KIAA1217: variants seen among roughly 807,000 people sequenced by gnomAD.
KIAA1217 encodes the protein KIAA1217, also known as sickle tail protein homolog.
KIAA1217 carries 88 observed loss-of-function variants against 163.9 expected under a neutral mutation model. The ratio of observed to expected loss-of-function variants is 0.54; its 90% confidence interval spans 0.45 to 0.64. KIAA1217 has a LOEUF of 0.64. Among genes scored for constraint, KIAA1217 ranks in the 30% least tolerant of loss-of-function variants. KIAA1217 has a pLI of 0.00. For synonymous variants in KIAA1217, 903 were observed against 923.1 expected, an observed-to-expected ratio of 0.98 and a Z score of 0.39; for missense variants, 2,372 against 2,475.0, an observed-to-expected ratio of 0.96 and a Z score of 0.88.
intron 2 of KIAA1217, among the ~76,000 whole-genome samples, chr10:24,089,175 T>A (rs2061830773): frequency 1.6e-5 from 2 of 125,062 alleles, no homozygotes; most frequent in African/African-American, 5.0e-5. Flanking sequence ...GTTTGTGTTC[T>A]TTGTAGATTC....
At chr10:24,331,792 G>A (rs185835188) in intron 2 of KIAA1217, among the ~76,000 whole-genome samples, 25 of 152,224 alleles carry the variant, frequency 1.6e-4, no homozygotes, top group African/African-American at 5.1e-4. Flanking sequence ...GGTAGAGGAG[G>A]GAGTTGGTTT....
rs148073971 is a variant in KIAA1217 at position 24,090,610 on chromosome 10, T to C, written c.-171+83236T>C. Among the ~76,000 whole-genome samples, 58 of 151,716 alleles carry C rather than the reference T, an allele frequency of 3.8e-4. 1 individual carries two copies. The East Asian group carries it at 0.011, about 28-fold the overall frequency. The stretch of plus-strand genomic sequence containing the variant: ...AAAGAGCATTTTTGAGGAGGGACTG[T>C]GAGCATTTCGAAGAGGAGAAGTGAT... On this transcript the variant is annotated intron_variant, in intron 2 of 18. Transcript: ENST00000376462.
intron 1 of KIAA1217, among the ~76,000 whole-genome samples, chr10:23,963,634 A>C (rs187829632): frequency 6.6e-6 from 1 of 152,274 alleles, no homozygotes; most frequent in African/African-American, 2.4e-5. Flanking sequence ...TATACCCAGT[A>C]ATGGGATTGC....
intron 1 of KIAA1217, among the ~76,000 whole-genome samples, chr10:23,926,112 C>T (rs1843008560): frequency 6.6e-6 from 1 of 151,022 alleles, no homozygotes; most frequent in South Asian, 2.1e-4. Flanking sequence ...GTGCATTGGT[C>T]CTCAGGAAAA....
At chr10:24,022,428 C>T (rs1847773631) in intron 2 of KIAA1217, among the ~76,000 whole-genome samples, 1 of 151,628 alleles carries the variant, frequency 6.6e-6, no homozygotes, top group Non-Finnish European at 1.5e-5. Context: ...TATTAGAATA[C>T]CTAAAATAAA....
intron 2 of KIAA1217, among the ~76,000 whole-genome samples, chr10:24,028,246 T>C (rs1459579170): frequency 6.6e-6 from 1 of 152,054 alleles, no homozygotes; most frequent in Non-Finnish European, 1.5e-5. Flanking sequence ...GATTGATCAA[T>C]TGATTATCCA....
rs138368030 is a variant in KIAA1217 at position 24,412,770 on chromosome 10, G to A, written c.554-20225G>A. ...GTGTGAATGGATCCTGCCGCATGGTGCCAAATATCAGCTATAGGATGATGA... is the reference window on the plus strand; with the variant it reads ...GTGTGAATGGATCCTGCCGCATGGTACCAAATATCAGCTATAGGATGATGA... On this transcript the variant is annotated intron_variant, in intron 3 of 20. Coordinates refer to ENST00000376454, the MANE Select transcript of KIAA1217 (RefSeq NM_019590.5). Among the ~76,000 whole-genome samples, 754 of 152,288 alleles carry A rather than the reference G, an allele frequency of 5.0e-3. 4 individuals carry two copies. Among genetic ancestry groups the A allele is most frequent in the African/African-American group, 0.017 (705 of 41,558 alleles).
At chr10:24,061,777 G>A (rs2060731936) in intron 2 of KIAA1217, among the ~76,000 whole-genome samples, 1 of 152,134 alleles carries the variant, frequency 6.6e-6, no homozygotes, top group Admixed American at 6.5e-5. Context: ...TCCCTTGTAT[G>A]TGACAAGTTT....
intron 1 of KIAA1217, among the ~76,000 whole-genome samples, chr10:24,212,110 GA>G (rs1214935984): frequency 7.1e-6 from 1 of 141,112 alleles, no homozygotes. Context: ...AAAGAAGAGA[GA>G]GGAGGGGAGG....
Position 24,524,767 on chromosome 10 carries a change from A to G in KIAA1217, c.2898+3A>G, listed in dbSNP as rs375139499. ...AGAACAGGGCAGTGTCTATCGAGGTAGAGTCCTATTTCTGTTTCTCATAAC... is the reference window on the plus strand; with the variant it reads ...AGAACAGGGCAGTGTCTATCGAGGTGGAGTCCTATTTCTGTTTCTCATAAC... On this transcript the variant is annotated splice_donor_region_variant and intron_variant, in intron 13 of 20. Coordinates refer to ENST00000376454, the MANE Select transcript of KIAA1217 (RefSeq NM_019590.5). 6.3e-7 allele frequency: 1 copy of G among 1,579,314 alleles called. No individual in the cohort carries two copies. Among genetic ancestry groups the G allele is most frequent in the Non-Finnish European group, 8.6e-7 (1 of 1,158,342 alleles).
chr10:24,402,255 C>G (rs1163523372), intron 3 of KIAA1217, among the ~76,000 whole-genome samples: 1 of 152,026 alleles, frequency 6.6e-6, no homozygotes, highest in East Asian at 1.9e-4. Context: ...GCCTGTAATC[C>G]CAGCACTTTG....
chr10:24,007,491 C>T (rs1847053192), intron 2 of KIAA1217: 1 of 152,204 alleles, frequency 6.6e-6, no homozygotes, highest in Admixed American at 6.6e-5. Context: ...CCTCTCTGAG[C>T]TCAGTGGAAC....
intron 17 of KIAA1217, 106 bp downstream of exon 17, chr10:24,536,999 CT>C: frequency 7.4e-7 from 1 of 1,357,904 alleles, no homozygotes; most frequent in Non-Finnish European, 1.0e-6. Flanking sequence ...TGTCTTTTTT[CT>C]CTCTCTTTTT....
intron 1 of KIAA1217, among the ~76,000 whole-genome samples, chr10:23,803,402 A>T (rs1836568931): frequency 6.6e-6 from 1 of 152,172 alleles, no homozygotes; most frequent in Non-Finnish European, 1.5e-5. Context: ...CCGTCCTATG[A>T]CCGCTCAAGG....
chr10:24,485,160 G>A (rs2065228294), intron 6 of KIAA1217, among the ~76,000 whole-genome samples: 3 of 150,314 alleles, frequency 2.0e-5, no homozygotes, highest in Admixed American at 6.7e-5. Context: ...TGGGATTTAT[G>A]TAAATCCCTT....
At chr10:24,399,829 G>T (rs569338805) in intron 3 of KIAA1217, among the ~76,000 whole-genome samples, 1 of 152,112 alleles carries the variant, frequency 6.6e-6, no homozygotes, top group African/African-American at 2.4e-5. Flanking sequence ...CCACAAACAC[G>T]TAGCGACCCA....
intron 2 of KIAA1217, among the ~76,000 whole-genome samples, chr10:24,078,953 C>T (rs2061454535): frequency 6.6e-6 from 1 of 152,202 alleles, no homozygotes; most frequent in African/African-American, 2.4e-5. Context: ...TTTCCAAGAC[C>T]TTCTTTTCCT....
intron 2 of KIAA1217, among the ~76,000 whole-genome samples, chr10:24,010,198 G>A (rs1847179151): frequency 1.3e-5 from 2 of 151,366 alleles, no homozygotes; most frequent in African/African-American, 4.9e-5. Flanking sequence ...AAAAATGACA[G>A]GGTAAAATGC....
intron 1 of KIAA1217, among the ~76,000 whole-genome samples, chr10:23,937,206 C>G (rs1294667090): frequency 1.3e-5 from 2 of 152,126 alleles, no homozygotes; most frequent in Non-Finnish European, 1.5e-5. Flanking sequence ...CTTATGTGAG[C>G]TAGGTTACAT....
Sources: gnomAD v4.1 joint callset for allele counts (sites outside exome capture counted in the v4.1 genomes callset) on GRCh38, gnomAD v4.1.1 for gene constraint, MANE v1.5 for transcripts, NCBI Gene and HGNC (gene_info 2026-07-23, HGNC 2026-07-21) for gene names.